Variants in ANKRD52 observed in about 807,000 individuals in gnomAD.
ANKRD52 encodes serine/threonine-protein phosphatase 6 regulatory ankyrin repeat subunit C.
Under a neutral mutation model 116.0 loss-of-function variants are expected in ANKRD52, and 7 were observed. The observed-to-expected ratio is 0.06, with a 90% CI of 0.03 to 0.11. The LOEUF (loss-of-function observed/expected upper bound fraction) is 0.11. Among genes scored for constraint, ANKRD52 ranks in the 10% least tolerant of loss-of-function variants. ANKRD52 has a pLI of 1.00. For synonymous variants in ANKRD52, 528 were observed against 578.1 expected (o/e 0.91, Z 1.24); for missense variants, 839 against 1,408.6 (o/e 0.60, Z 6.47).
chr12:56,242,279 T>C lies in ANKRD52; in HGVS notation c.*863A>G, dbSNP rs905743907. The C allele has an allele frequency of 1.8e-5, 7 of 397,748 alleles. No homozygotes were observed. Among genetic ancestry groups the C allele is most frequent in the African/African-American group, 1.4e-4 (7 of 48,538 alleles). The allele number at this position is 397,748 out of a possible 1,614,324, so 24.6% of individuals were successfully genotyped here. On this transcript the variant is annotated 3_prime_UTR_variant, in exon 28 of 28. Coordinates refer to ENST00000267116, the MANE Select transcript of ANKRD52 (RefSeq NM_173595.4). The surrounding 1 kb of genome is among the most constrained non-coding windows in gnomAD (Gnocchi z 4.3). ...TCCCCTAAAGGATAAAACGCTTACT[T>C]AAAAATTCATGACAAGCCTCAAAGT...
Position 56,238,039 on chromosome 12 carries a change from T to C in ANKRD52, c.*5103A>G, listed in dbSNP as rs1870997209. 1 of 301,686 alleles carries C rather than the reference T, an allele frequency of 3.3e-6. No homozygotes were observed. The highest frequency in any genetic ancestry group is 5.8e-5 in the East Asian group (1 of 17,302). The allele number at this position is 301,686 out of a possible 1,614,324, so 18.7% of individuals were successfully genotyped here. On this transcript the variant is annotated 3_prime_UTR_variant, in exon 28 of 28. Coordinates refer to ENST00000267116, the MANE Select transcript of ANKRD52 (RefSeq NM_173595.4). ...GGCAAATGCACCGAGGTCCCCACTT[T>C]TTCCTGCTGCCCTCGGCACCCTGGG...
Position 56,243,682 on chromosome 12 carries a change from T to C in ANKRD52, c.2980+103A>G. 1.6e-6 allele frequency: 2 copies of C among 1,275,456 alleles called. No individual in the cohort carries two copies. The highest frequency in any genetic ancestry group is 2.2e-6 in the Non-Finnish European group (2 of 911,424). 79.0% of individuals were successfully genotyped at this position (1,275,456 alleles called of 1,614,324 possible). A position where few individuals can be genotyped will look rare whatever the true frequency, so the allele number is the denominator to read the frequency against. On this transcript the variant is annotated intron_variant, in intron 27 of 27. Coordinates refer to ENST00000267116, the MANE Select transcript of ANKRD52 (RefSeq NM_173595.4). This position sits in a 1 kb window ranked among gnomAD's most constrained non-coding sequence, Gnocchi z 4.6. Reference sequence around the variant, plus strand: ...GGGCTCCCTGCTCTGAAGAGTTCCCTTGGGAAGAAAATCCCATGTATAGCA... The same window carrying C: ...GGGCTCCCTGCTCTGAAGAGTTCCCCTGGGAAGAAAATCCCATGTATAGCA...
In ANKRD52 at chr12:56,257,781, C is replaced by T. The variant is rs1269247280; in HGVS notation, c.111+47G>A. On this transcript the variant is annotated intron_variant, in intron 2 of 27. Coordinates refer to ENST00000267116, the MANE Select transcript of ANKRD52 (RefSeq NM_173595.4). ...CACCGGTGGGGAGGGGTCCAGAACA[C>T]GGGAGCCAGGATTCCGGTCTCGCCA... 2.5e-6 allele frequency: 4 copies of T among 1,589,134 alleles called. No homozygotes were observed. The South Asian group carries it at 3.4e-5, about 13-fold the overall frequency.
intron 18 of ANKRD52, 41 bp downstream of exon 18, chr12:56,247,982 G>T: frequency 6.5e-7 from 1 of 1,543,200 alleles, no homozygotes; most frequent in African/African-American, 1.4e-5. Flanking sequence ...GAGGGATCTG[G>T]CATGGCAAGG....
rs777325014 is a variant in ANKRD52, at chr12:56,248,516, T to A, written c.1755A>T (p.Pro585=). 12 of 1,597,156 alleles carry A rather than the reference T, an allele frequency of 7.5e-6. No homozygotes were observed. The South Asian group carries it at 1.4e-4, about 18-fold the overall frequency. Reference sequence around the variant, plus strand: ...TCACAGCTAAGTGCAAAGGGCTGACTGGAATGGTGCTCTCCACATCCTCCA... The same window carrying A: ...TCACAGCTAAGTGCAAAGGGCTGACAGGAATGGTGCTCTCCACATCCTCCA... The part of the protein sequence containing the change: ...NCLEDVESTI[P]VSPLHLAAYN... The change falls in exon 17 of 28, where the codon CCA becomes CCT. Residue 585 remains proline (P), a synonymous_variant. Coordinates refer to ENST00000267116, the MANE Select transcript of ANKRD52 (RefSeq NM_173595.4). The surrounding 1 kb of genome is among the most constrained non-coding windows in gnomAD (Gnocchi z 5.1).
rs1871731593 is a variant in ANKRD52 at position 56,252,154 on chromosome 12, G to A, written c.1511+21C>T. ...TCAGGGAGGTGAATGGGGCTGAGAA[G>A]GACCAGACTGGTAGCCTCACCTCCT... On this transcript the variant is annotated intron_variant, in intron 14 of 27. Transcript: ENST00000267116. The surrounding 1 kb of genome is among the most constrained non-coding windows in gnomAD (Gnocchi z 4.7). 6.2e-7 allele frequency: 1 copy of A among 1,613,820 alleles called. No homozygotes were observed. The highest frequency in any genetic ancestry group is 1.7e-5 in the Admixed American group (1 of 59,994).
rs1331048023 is a variant in ANKRD52 at position 56,247,758 on chromosome 12, A to G, written c.1995T>C (p.Thr665=). 3 of 1,612,322 alleles carry G rather than the reference A, an allele frequency of 1.9e-6. No homozygotes were observed. Among genetic ancestry groups the G allele is most frequent in the East Asian group, 2.2e-5 (1 of 44,884 alleles). The part of the protein sequence containing the change: ...PLHAAAASGH[T]DSLHLLIDSG... ...TGTCGATCAGCAAGTGCAGGGAGTCAGTGTGGCCAGAGGCAGCTAGGGGAA... is the reference window on the plus strand; with the variant it reads ...TGTCGATCAGCAAGTGCAGGGAGTCGGTGTGGCCAGAGGCAGCTAGGGGAA... Residue 665 remains threonine (T), a synonymous_variant, in exon 19 of 28, where the codon ACT becomes ACC. Transcript: ENST00000267116.
In ANKRD52 at chr12:56,257,917, G is replaced by C; in HGVS notation, c.28-6C>G. On this transcript the variant is annotated splice_polypyrimidine_tract_variant and splice_region_variant and intron_variant, in intron 1 of 27. Coordinates refer to ENST00000267116, the MANE Select transcript of ANKRD52 (RefSeq NM_173595.4). ...ATGGCCTGGACCAGGGGCGGCTGCA[G>C]AGAGAACCGGCATTCTGAGAGCGGG... The C allele has an allele frequency of 4.4e-6, 7 of 1,607,548 alleles. No homozygotes were observed. The South Asian group carries it at 7.7e-5, about 18-fold the overall frequency.
Position 56,243,536 on chromosome 12 carries a change from G to A in ANKRD52, c.2981-144C>T. The stretch of plus-strand genomic sequence containing the variant: ...AGAATCCAAGGGTGACGAGGGCCCA[G>A]GAAGGCTGACAGGCAGATTCTCTAA... On this transcript the variant is annotated intron_variant, in intron 27 of 27. Transcript: ENST00000267116. This position sits in a 1 kb window ranked among gnomAD's most constrained non-coding sequence, Gnocchi z 4.6. 1 of 1,283,092 alleles carries A rather than the reference G, an allele frequency of 7.8e-7. No homozygotes were observed. Among genetic ancestry groups the A allele is most frequent in the South Asian group, 1.5e-5 (1 of 65,502 alleles). The allele number at this position is 1,283,092 out of a possible 1,614,324, so 79.5% of individuals were successfully genotyped here.
Position 56,253,887 on chromosome 12 carries a change from C to A in ANKRD52, c.907-87G>T. 1 of 1,471,274 alleles carries A rather than the reference C, an allele frequency of 6.8e-7. No individual in the cohort carries two copies. The highest frequency in any genetic ancestry group is 9.4e-7 in the Non-Finnish European group (1 of 1,059,162). The allele number at this position is 1,471,274 out of a possible 1,614,324, so 91.1% of individuals were successfully genotyped here. Reference sequence around the variant, plus strand: ...CCCTACCTCCCTTCCAAGGACATATCTCTAAGGACAAAAGGGTCATATGGC... The same window carrying A: ...CCCTACCTCCCTTCCAAGGACATATATCTAAGGACAAAAGGGTCATATGGC... On this transcript the variant is annotated intron_variant, in intron 8 of 27. Coordinates refer to ENST00000267116, the MANE Select transcript of ANKRD52 (RefSeq NM_173595.4). The surrounding 1 kb of genome is among the most constrained non-coding windows in gnomAD (Gnocchi z 5.5).
In ANKRD52 at chr12:56,252,818, G is replaced by A. The variant is rs764232074; in HGVS notation, c.1263C>T (p.Asn421=). 12 of 1,613,910 alleles carry A rather than the reference G, an allele frequency of 7.4e-6. No individual in the cohort carries two copies. Among genetic ancestry groups the A allele is most frequent in the Middle Eastern group, 3.3e-4 (2 of 5,986 alleles). The change falls in exon 12 of 28, where the codon AAC becomes AAT. Residue 421 remains asparagine, a synonymous_variant. Coordinates refer to ENST00000267116, the MANE Select transcript of ANKRD52 (RefSeq NM_173595.4). The surrounding 1 kb of genome is among the most constrained non-coding windows in gnomAD (Gnocchi z 4.7). ...SAGFDINTPD[N]LGRTCLHAAA... is the part of the protein sequence containing the mutation. Reference sequence around the variant, plus strand: ...CAGCATGAAGACAGGTACGGCCAAGGTTGTCAGGTGTATTGATGTCAAACC... The same window carrying A: ...CAGCATGAAGACAGGTACGGCCAAGATTGTCAGGTGTATTGATGTCAAACC...
chr12:56,244,465 C>A lies in ANKRD52; in HGVS notation c.2723-30G>T. On this transcript the variant is annotated intron_variant, in intron 24 of 27. Transcript: ENST00000267116. The surrounding 1 kb of genome is among the most constrained non-coding windows in gnomAD (Gnocchi z 4.9). The stretch of plus-strand genomic sequence containing the variant: ...GAGAGAAATGTGATAGAGGGACTGA[C>A]CCCTCCCTCCAGAGCAGTAGCCATC... The A allele has an allele frequency of 6.2e-7, 1 of 1,609,552 alleles. No individual in the cohort carries two copies. The highest frequency in any genetic ancestry group is 8.5e-7 in the Non-Finnish European group (1 of 1,176,300).
Position 56,244,800 on chromosome 12 carries a change from G to A in ANKRD52, c.2577-3C>T, listed in dbSNP as rs570902251. 1.3e-5 allele frequency: 21 copies of A among 1,613,714 alleles called. No individual in the cohort carries two copies. In the African/African-American group the frequency reaches 2.4e-4, roughly 18 times the overall value. On this transcript the variant is annotated splice_region_variant and splice_polypyrimidine_tract_variant and intron_variant, in intron 23 of 27. Transcript: ENST00000267116. The surrounding 1 kb of genome is among the most constrained non-coding windows in gnomAD (Gnocchi z 4.9). ...AGGCAGCGGCGTGAAGGGGGGTCCTGTAAGGCAGGGATCAGGGTAGATTAA... is the reference window on the plus strand; with the variant it reads ...AGGCAGCGGCGTGAAGGGGGGTCCTATAAGGCAGGGATCAGGGTAGATTAA...
chr12:56,244,691 G>C lies in ANKRD52; in HGVS notation c.2683C>G (p.Leu895Val). Residue 895 changes from leucine to valine, a missense_variant, in exon 24 of 28, where the codon CTC becomes GTC. Around this residue, in one of 2 missense-constraint regions of ANKRD52, gnomAD observed 552 missense variants for 810.6 expected, o/e 0.68. Transcript: ENST00000267116. This position sits in a 1 kb window ranked among gnomAD's most constrained non-coding sequence, Gnocchi z 4.9. Reference sequence around the variant, plus strand: ...TGCCCGTTCTCAGCCGCCGTCATGAGCGCAGTGCGGCCAGTGTGGTCAGTG... The same window carrying C: ...TGCCCGTTCTCAGCCGCCGTCATGACCGCAGTGCGGCCAGTGTGGTCAGTG... ...NATDHTGRTA[L>V]MTAAENGQTA... 1 of 1,613,988 alleles carries C rather than the reference G, an allele frequency of 6.2e-7. No homozygotes were observed. The highest frequency in any genetic ancestry group is 1.6e-4 in the Middle Eastern group (1 of 6,062).
In ANKRD52 at chr12:56,248,287, T is replaced by C; in HGVS notation, c.1777-63A>G. 1 of 1,578,536 alleles carries C rather than the reference T, an allele frequency of 6.3e-7. No homozygotes were observed. On this transcript the variant is annotated intron_variant, in intron 17 of 27. Transcript: ENST00000267116. This position sits in a 1 kb window ranked among gnomAD's most constrained non-coding sequence, Gnocchi z 5.1. ...ACCTTCCCTGCTCCTCCCTTCCCCT[T>C]CTCTGCTCTTGGGGTCCCTGGGAAG...
At position 56,255,103 on chromosome 12, in the gene ANKRD52, A is replaced by T; in HGVS notation, c.463-151T>A. On this transcript the variant is annotated intron_variant, in intron 5 of 27. Coordinates refer to ENST00000267116, the MANE Select transcript of ANKRD52 (RefSeq NM_173595.4). The surrounding 1 kb of genome is among the most constrained non-coding windows in gnomAD (Gnocchi z 4.3). ...CCTGGAGGACTCGAGGGAACAGCAG[A>T]AGCAGGCACTAAGGAGGAGATACTG... is the stretch of plus-strand genomic sequence containing the variant. 1.6e-6 allele frequency: 1 copy of T among 641,336 alleles called. No individual in the cohort carries two copies. The highest frequency in any genetic ancestry group is 2.7e-6 in the Non-Finnish European group (1 of 370,768). The allele number at this position is 641,336 out of a possible 1,614,324, so 39.7% of individuals were successfully genotyped here.
In ANKRD52 at chr12:56,241,932, C is replaced by G. The variant is rs1220917982; in HGVS notation, c.*1210G>C. On this transcript the variant is annotated 3_prime_UTR_variant, in exon 28 of 28. Coordinates refer to ENST00000267116, the MANE Select transcript of ANKRD52 (RefSeq NM_173595.4). ...CCTGCTGGGAAGGCAGGGACCAAGC[C>G]CCAGTACCTATTCATCTCTCTCTAG... 1 of 398,474 alleles carries G rather than the reference C, an allele frequency of 2.5e-6. No homozygotes were observed. Among genetic ancestry groups the G allele is most frequent in the Non-Finnish European group, 4.4e-6 (1 of 226,122 alleles). 24.7% of individuals were successfully genotyped at this position (398,474 alleles called of 1,614,324 possible). A position where few individuals can be genotyped will look rare whatever the true frequency, so the allele number is the denominator to read the frequency against.
rs1872045323 is a variant in ANKRD52 at position 56,257,966 on chromosome 12, T to TG, written c.28-56dup. On this transcript the variant is annotated intron_variant, in intron 1 of 27. Coordinates refer to ENST00000267116, the MANE Select transcript of ANKRD52 (RefSeq NM_173595.4). ...GGCTGGAGCCGGAGCGGAACCGGTGTGGGGGTGGGGGTGGGGGAGCACCTA... is the reference window on the plus strand; with the variant it reads ...GGCTGGAGCCGGAGCGGAACCGGTGTGGGGGGTGGGGGTGGGGGAGCACCTA... 46 of 255,146 alleles carry TG rather than the reference T, an allele frequency of 1.8e-4. No homozygotes were observed. In the South Asian group the frequency reaches 1.8e-3, roughly 10 times the overall value. The allele number at this position is 255,146 out of a possible 1,614,324, so 15.8% of individuals were successfully genotyped here.
Position 56,253,833 on chromosome 12 carries a change from T to G in ANKRD52, c.907-33A>C. 2 of 1,606,694 alleles carry G rather than the reference T, an allele frequency of 1.2e-6. No individual in the cohort carries two copies. Among genetic ancestry groups the G allele is most frequent in the Non-Finnish European group, 1.7e-6 (2 of 1,174,020 alleles). ...AACATGGTGGGTTTTTGTTTTTGTT[T>G]TTTTTTCCAGTGCAAAGCACAGAGA... is the stretch of plus-strand genomic sequence containing the variant. On this transcript the variant is annotated intron_variant, in intron 8 of 27. Transcript: ENST00000267116. The surrounding 1 kb of genome is among the most constrained non-coding windows in gnomAD (Gnocchi z 5.5).
Sources: gnomAD v4.1 joint callset for allele counts on GRCh38, gnomAD v4.1.1 for gene constraint, gnomAD v4.1.1 regional missense constraint, Gnocchi (gnomAD v3.1) non-coding constraint, MANE v1.5 for transcripts, NCBI Gene and HGNC (gene_info 2026-07-23, HGNC 2026-07-21) for gene names.